LRMDA: variants seen among roughly 807,000 people sequenced by gnomAD.
LRMDA encodes the protein leucine-rich melanocyte differentiation-associated protein.
A neutral mutation model predicts 29.8 loss-of-function variants in LRMDA; 18 were observed. That is an observed-to-expected ratio of 0.60 (90% CI 0.42 to 0.90). LRMDA has a LOEUF of 0.90. LRMDA is among the 40% of genes least tolerant of loss of function. The pLI is 0.00. For synonymous variants in LRMDA, 125 were observed against 109.4 expected, an observed-to-expected ratio of 1.14 and a Z score of -0.89; for missense variants, 273 against 273.9, an observed-to-expected ratio of 1.00 and a Z score of 0.02.
At chr10:75,675,323 T>A (rs1469556304) in intron 2 of LRMDA, among the ~76,000 whole-genome samples, 1 of 152,202 alleles carries the variant, frequency 6.6e-6, no homozygotes, top group Non-Finnish European at 1.5e-5. Flanking sequence ...AAGAATCTTA[T>A]GGTATGTTTT....
chr10:75,683,723 C>A (rs531600053), intron 2 of LRMDA, among the ~76,000 whole-genome samples: 1 of 152,312 alleles, frequency 6.6e-6, no homozygotes, highest in Non-Finnish European at 1.5e-5. Flanking sequence ...TGGACTTGTG[C>A]ATGTGGAGGA....
chr10:76,086,313 G>A, intron 5 of LRMDA, among the ~76,000 whole-genome samples: 1 of 152,168 alleles, frequency 6.6e-6, no homozygotes, highest in East Asian at 1.9e-4. Flanking sequence ...AAATCCTTCA[G>A]GGACTTCTAG....
chr10:76,428,398 A>G (rs1254186368), intron 6 of LRMDA, among the ~76,000 whole-genome samples: 1 of 152,024 alleles, frequency 6.6e-6, no homozygotes, highest in African/African-American at 2.4e-5. Flanking sequence ...GGAGATTGAC[A>G]TGGCTTTAAC....
chr10:75,677,277 A>G (rs141511967), intron 2 of LRMDA, among the ~76,000 whole-genome samples: 32 of 152,300 alleles, frequency 2.1e-4, no homozygotes, highest in Non-Finnish European at 3.7e-4. Context: ...ATATCCCAGA[A>G]GAGTTACACG....
Position 75,494,399 on chromosome 10 carries a change from G to T in LRMDA, c.131+55905G>T, listed in dbSNP as rs574536161. 5.3e-5 allele frequency among the ~76,000 whole-genome samples: 8 copies of T among 151,880 alleles called. No homozygotes were observed. The South Asian group carries it at 1.7e-3, about 32-fold the overall frequency. On this transcript the variant is annotated intron_variant, in intron 2 of 6. Transcript: ENST00000611255. ...GCGGTTGTTGAAACAACTTCCTAAA[G>T]AGATGTTATTTATGTATTCACCCAT...
chr10:76,218,154 GTAA>G (rs2132254079), intron 5 of LRMDA, among the ~76,000 whole-genome samples: 1 of 152,326 alleles, frequency 6.6e-6, no homozygotes, highest in South Asian at 2.1e-4. Context: ...GTTGGCTATT[GTAA>G]TACTTAGTGA....
At chr10:75,626,158 G>C (rs1373700562) in intron 2 of LRMDA, among the ~76,000 whole-genome samples, 2 of 151,930 alleles carry the variant, frequency 1.3e-5, no homozygotes, top group African/African-American at 4.8e-5. Flanking sequence ...CACCACACCC[G>C]GCCAAGAGGA....
At chr10:76,282,809 C>T (rs750849550) in intron 5 of LRMDA, among the ~76,000 whole-genome samples, 2 of 152,130 alleles carry the variant, frequency 1.3e-5, no homozygotes, top group Admixed American at 6.5e-5. Context: ...TGATGTTCTT[C>T]GTGTCTTTGT....
chr10:76,408,330 C>T (rs1286727110), intron 6 of LRMDA, among the ~76,000 whole-genome samples: 1 of 152,142 alleles, frequency 6.6e-6, no homozygotes, highest in African/African-American at 2.4e-5. Context: ...GAATGGTCAT[C>T]TAACTATATA....
chr10:76,168,279 A>G (rs535627512), intron 5 of LRMDA, among the ~76,000 whole-genome samples: 1 of 152,172 alleles, frequency 6.6e-6, no homozygotes, highest in Non-Finnish European at 1.5e-5. Context: ...GACTCCTAGG[A>G]AAGTCTGGTT....
At chr10:76,024,907 A>G (rs1479966462) in intron 2 of LRMDA, among the ~76,000 whole-genome samples, 5 of 152,208 alleles carry the variant, frequency 3.3e-5, no homozygotes, top group Non-Finnish European at 2.9e-5. Context: ...TGTTTGCCCA[A>G]TGGCTGTGGG....
At chr10:75,636,336 T>G (rs1160389040) in intron 2 of LRMDA, among the ~76,000 whole-genome samples, 1 of 152,202 alleles carries the variant, frequency 6.6e-6, no homozygotes, top group East Asian at 1.9e-4. Flanking sequence ...TCCCTTTCAT[T>G]TTTAAAATCA....
chr10:76,325,512 CTT>C (rs1232130899), intron 6 of LRMDA, among the ~76,000 whole-genome samples: 1 of 152,196 alleles, frequency 6.6e-6, no homozygotes, highest in African/African-American at 2.4e-5. Context: ...GAACAGGTCT[CTT>C]TCACTGAATG....
chr10:75,690,264 C>G (rs990836335), intron 2 of LRMDA, among the ~76,000 whole-genome samples: 2 of 152,288 alleles, frequency 1.3e-5, no homozygotes, highest in African/African-American at 2.4e-5. Context: ...TGTGACACAA[C>G]TAGTCAGTGG....
At chr10:76,021,960 G>GA (rs1286491467) in intron 2 of LRMDA, among the ~76,000 whole-genome samples, 2 of 152,122 alleles carry the variant, frequency 1.3e-5, no homozygotes, top group East Asian at 1.9e-4. Flanking sequence ...CCTGACACTG[G>GA]AAAAAATGCA....
rs115378472 is a variant in LRMDA at position 75,495,494 on chromosome 10, C to T, written c.131+57000C>T. 2.0e-3 allele frequency among the ~76,000 whole-genome samples: 297 copies of T among 152,256 alleles called. 2 individuals are homozygous for T. Among genetic ancestry groups the T allele is most frequent in the African/African-American group, 6.8e-3 (284 of 41,540 alleles). ...ATGCAGCTAAAACATCAAGGCCTGCCGTACAGAGGAAAAAGTGACCAAACA... is the reference window on the plus strand; with the variant it reads ...ATGCAGCTAAAACATCAAGGCCTGCTGTACAGAGGAAAAAGTGACCAAACA... On this transcript the variant is annotated intron_variant, in intron 2 of 6. Transcript: ENST00000611255.
chr10:76,466,133 T>C (rs1490808028), intron 6 of LRMDA, among the ~76,000 whole-genome samples: 2 of 152,026 alleles, frequency 1.3e-5, no homozygotes, highest in African/African-American at 4.8e-5. Flanking sequence ...AACATAGTAA[T>C]TGCAAGAAGC....
intron 5 of LRMDA, among the ~76,000 whole-genome samples, chr10:76,163,542 T>C (rs1400062983): frequency 6.6e-6 from 1 of 152,164 alleles, no homozygotes; most frequent in Non-Finnish European, 1.5e-5. Flanking sequence ...ACATAAAGCA[T>C]TACTGTGCAC....
chr10:75,781,788 G>A (rs181345025), intron 2 of LRMDA, among the ~76,000 whole-genome samples: 28 of 152,296 alleles, frequency 1.8e-4, no homozygotes, highest in African/African-American at 6.5e-4. Flanking sequence ...ATTCTGCGAG[G>A]TCAATCTCAC....
Sources: allele counts gnomAD v4.1 joint callset (sites outside exome capture counted in the v4.1 genomes callset), GRCh38; gene constraint gnomAD v4.1.1; transcripts MANE v1.5; gene names NCBI Gene and HGNC (gene_info 2026-07-23, HGNC 2026-07-21).